The following KCNIP4 variants were observed in gnomAD, a reference collection of about 807,000 sequenced individuals.
KCNIP4 encodes Kv channel-interacting protein 4.
A neutral mutation model predicts 34.0 loss-of-function variants in KCNIP4; 12 were observed. That is an observed-to-expected ratio of 0.35 (90% CI 0.23 to 0.57). The LOEUF is 0.57. Among genes scored for constraint, KCNIP4 ranks in the 20% least tolerant of loss-of-function variants. The pLI, the probability that KCNIP4 is intolerant of heterozygous loss-of-function variation, is 0.83. For missense variants in KCNIP4, 238 were observed against 311.7 expected (o/e 0.76, Z 1.78); for synonymous variants, 124 against 102.2 (o/e 1.21, Z -1.29).
At chr4:21,151,405 AAT>A (rs765041962) in intron 1 of KCNIP4, among the ~76,000 whole-genome samples, 19,818 of 92,602 alleles carry the variant, frequency 0.21, 4,063 homozygotes, top group Non-Finnish European at 0.26. Flanking sequence ...AACAAAAGAC[AAT>A]TTTTTTTTTT....
chr4:21,688,797 T>A (rs2109038582), intron 1 of KCNIP4, among the ~76,000 whole-genome samples: 3 of 151,964 alleles, frequency 2.0e-5, no homozygotes. Context: ...TTCCTACAAA[T>A]AATCCCACTA....
At chr4:21,467,999 G>A (rs1181490794) in intron 1 of KCNIP4, among the ~76,000 whole-genome samples, 1 of 118,642 alleles carries the variant, frequency 8.4e-6, no homozygotes, top group Non-Finnish European at 2.1e-5. Flanking sequence ...TGGCACTGAT[G>A]GGAACAAATT....
intron 1 of KCNIP4, among the ~76,000 whole-genome samples, chr4:21,040,430 A>G (rs1470242730): frequency 6.6e-6 from 1 of 152,192 alleles, no homozygotes; most frequent in South Asian, 2.1e-4. Context: ...TATTTTCCAG[A>G]AATAATTAAG....
chr4:21,938,399 G>A lies in KCNIP4; in HGVS notation c.61+10172C>T, dbSNP rs572534999. 3.2e-4 allele frequency among the ~76,000 whole-genome samples: 49 copies of A among 152,248 alleles called. No homozygotes were observed. The South Asian group carries it at 3.9e-3, about 12-fold the overall frequency. On this transcript the variant is annotated intron_variant, in intron 1 of 8. Transcript: ENST00000382152. ...AAGAATACTTGGGAAATGATGTTCA[G>A]TATATGTTTTGTGAAAGAATCAATT...
At chr4:21,047,734 G>A (rs1299725639) in intron 1 of KCNIP4, among the ~76,000 whole-genome samples, 2 of 152,166 alleles carry the variant, frequency 1.3e-5, no homozygotes, top group Non-Finnish European at 2.9e-5. Flanking sequence ...TCACATGTTA[G>A]TCTAAAGCTA....
At chr4:21,408,362 C>T (rs1320413899) in intron 1 of KCNIP4, among the ~76,000 whole-genome samples, 1 of 151,992 alleles carries the variant, frequency 6.6e-6, no homozygotes, top group Non-Finnish European at 1.5e-5. Context: ...AGAGACAAAT[C>T]GCAAGAATGA....
Position 21,234,385 on chromosome 4 carries a change from CATAACATAT to C in KCNIP4, c.62-351685_62-351677del, listed in dbSNP as rs1759158703. Reference sequence around the variant, plus strand: ...TATATAATATATAACATACATCATACATAACATATATAATATATTATATAACATATACTA... The same window carrying C: ...TATATAATATATAACATACATCATACATAATATATTATATAACATATACTA... On this transcript the variant is annotated intron_variant, in intron 1 of 8. Transcript: ENST00000382152. 2.7e-5 allele frequency among the ~76,000 whole-genome samples: 2 copies of C among 72,818 alleles called. 1 individual carries two copies. The highest frequency in any genetic ancestry group is 2.8e-4 in the African/African-American group (2 of 7,158). The allele number at this position is 72,818 out of a possible 152,430, so 47.8% of individuals were successfully genotyped here.
intron 1 of KCNIP4, among the ~76,000 whole-genome samples, chr4:21,903,673 C>T (rs1727830112): frequency 6.6e-6 from 1 of 151,946 alleles, no homozygotes; most frequent in Non-Finnish European, 1.5e-5. Flanking sequence ...ACAAAATCAA[C>T]AGAAGGAAAG....
intron 2 of KCNIP4, among the ~76,000 whole-genome samples, chr4:20,855,112 T>C (rs1179021584): frequency 1.3e-5 from 2 of 152,136 alleles, no homozygotes; most frequent in Non-Finnish European, 2.9e-5. Flanking sequence ...CCAAGTAACA[T>C]CTGGTAATAT....
intron 1 of KCNIP4, among the ~76,000 whole-genome samples, chr4:21,511,455 G>A (rs1734305911): frequency 6.6e-6 from 1 of 151,996 alleles, no homozygotes; most frequent in African/African-American, 2.4e-5. Flanking sequence ...ATTGCATTAT[G>A]TAGATGACAA....
rs150547481 is a variant in KCNIP4, at chr4:21,370,329, T to A, written c.62-487620A>T. On this transcript the variant is annotated intron_variant, in intron 1 of 8. Transcript: ENST00000382152. ...ATTCAGTGTTCATTCAAAAATTGTTTATTGAGGGTCCATTACATGTCAGGG... is the reference window on the plus strand; with the variant it reads ...ATTCAGTGTTCATTCAAAAATTGTTAATTGAGGGTCCATTACATGTCAGGG... Among the ~76,000 whole-genome samples the A allele has an allele frequency of 1.3e-3, 189 of 146,926 alleles. 31 individuals are homozygous for A. The highest frequency in any genetic ancestry group is 4.7e-3 in the African/African-American group (174 of 36,656).
intron 2 of KCNIP4, among the ~76,000 whole-genome samples, chr4:20,874,537 A>C (rs1008684802): frequency 3.3e-5 from 5 of 152,014 alleles, no homozygotes; most frequent in African/African-American, 1.2e-4. Context: ...GTGTCCTGAC[A>C]CTCCTACCTC....
At position 21,512,504 on chromosome 4, in the gene KCNIP4, T is replaced by A. The variant is rs905092464; in HGVS notation, c.61+436067A>T. ...TTGGTAAAAGATGACAAAAAAAAAATCTAAGAAACTTATGTTTTATTTTGT... is the reference window on the plus strand; with the variant it reads ...TTGGTAAAAGATGACAAAAAAAAAAACTAAGAAACTTATGTTTTATTTTGT... On this transcript the variant is annotated intron_variant, in intron 1 of 8. Transcript: ENST00000382152. 4.6e-5 allele frequency among the ~76,000 whole-genome samples: 7 copies of A among 151,864 alleles called. No homozygotes were observed. The South Asian group carries it at 1.0e-3, about 23-fold the overall frequency.
intron 1 of KCNIP4, among the ~76,000 whole-genome samples, chr4:21,685,424 C>T (rs867399590): frequency 7.2e-5 from 11 of 152,046 alleles, no homozygotes; most frequent in Non-Finnish European, 7.4e-5. Context: ...CCTGCTAAGA[C>T]GTGATGGTGC....
chr4:21,836,183 G>C (rs1289587263), intron 1 of KCNIP4, among the ~76,000 whole-genome samples: 1 of 152,088 alleles, frequency 6.6e-6, no homozygotes, highest in Non-Finnish European at 1.5e-5. Flanking sequence ...AAGTTTAAGT[G>C]GTAGATCATT....
chr4:21,746,190 A>C (rs893740714), intron 1 of KCNIP4, among the ~76,000 whole-genome samples: 1 of 152,206 alleles, frequency 6.6e-6, no homozygotes, highest in East Asian at 1.9e-4. Context: ...ATTTTATCTT[A>C]ATTACTTACT....
chr4:21,799,031 G>GA (rs1378859943), intron 1 of KCNIP4, among the ~76,000 whole-genome samples: 2 of 148,926 alleles, frequency 1.3e-5, no homozygotes, highest in Middle Eastern at 3.5e-3. Flanking sequence ...GTCCATCCAG[G>GA]AAAAAAATGA....
At chr4:20,790,675 T>C (rs1712630407) in intron 3 of KCNIP4, among the ~76,000 whole-genome samples, 1 of 152,146 alleles carries the variant, frequency 6.6e-6, no homozygotes. Flanking sequence ...CCACATCTTG[T>C]CCCACTGGAA....
rs35105632 is a variant in KCNIP4, at chr4:21,892,550, T to TAAAA, written c.61+56017_61+56020dup. ...AAAAAAAAAAGCAAAAGCAAAAAAG[T>TAAAA]AAAAAAAAAAAAAAAAAACTATTGA... On this transcript the variant is annotated intron_variant, in intron 1 of 8. Coordinates refer to ENST00000382152, the MANE Select transcript of KCNIP4 (RefSeq NM_025221.6). 1.7e-3 allele frequency among the ~76,000 whole-genome samples: 219 copies of TAAAA among 126,362 alleles called. 2 individuals carry two copies. The highest frequency in any genetic ancestry group is 2.1e-3 in the Non-Finnish European group (126 of 61,132). 82.9% of individuals were successfully genotyped at this position (126,362 alleles called of 152,430 possible).
Sources: gnomAD v4.1 joint callset for allele counts (sites outside exome capture counted in the v4.1 genomes callset) on GRCh38, gnomAD v4.1.1 for gene constraint, MANE v1.5 for transcripts, NCBI Gene and HGNC (gene_info 2026-07-23, HGNC 2026-07-21) for gene names.